TAPBPL: variants seen among roughly 807,000 people sequenced by gnomAD.
TAPBPL encodes the protein tapasin-related protein.
TAPBPL carries 32 observed loss-of-function variants against 44.8 expected under a neutral mutation model. That is an observed-to-expected ratio of 0.71 (90% CI 0.54 to 0.96). TAPBPL has a LOEUF of 0.96. Ranked by LOEUF, TAPBPL falls within the 40% of genes least tolerant of loss-of-function variation. The pLI, the probability that TAPBPL is intolerant of heterozygous loss-of-function variation, is 0.00. For synonymous variants in TAPBPL, 230 were observed against 240.7 expected (o/e 0.96, Z 0.41); for missense variants, 520 against 586.6 (o/e 0.89, Z 1.17).
intron 6 of TAPBPL, among the ~76,000 whole-genome samples, chr12:6,461,769 TCTC>T (rs1251570623): frequency 6.6e-6 from 1 of 152,142 alleles, no homozygotes; most frequent in Non-Finnish European, 1.5e-5. Context: ...AGGAGAGACT[TCTC>T]CTTTTTATTC....
intron 3 of TAPBPL, among the ~76,000 whole-genome samples, chr12:6,455,866 T>G (rs940661017): frequency 6.6e-6 from 1 of 151,844 alleles, no homozygotes; most frequent in Non-Finnish European, 1.5e-5. Context: ...GTTCAAGTGA[T>G]TCTTGTGCCT....
In TAPBPL at chr12:6,453,199, A is replaced by T; in HGVS notation, c.197A>T (p.Gln66Leu). ...GCAAGGGCCTCCCTTGTGCTGAAGC[A>T]GGTGCCAGTGCTGGACGATGGCTCC... Reference protein sequence around the residue: ...DRARASLVLKQVPVLDDGSLE... With the variant: ...DRARASLVLKLVPVLDDGSLE... The change falls in exon 2 of 7, where the codon CAG becomes CTG. Residue 66 changes from glutamine (Q) to leucine (L), a missense_variant. Physicochemically the swap from Gln to Leu is moderately radical, Grantham distance 113. Transcript: ENST00000266556. This position sits in a 1 kb window ranked among gnomAD's most constrained non-coding sequence, Gnocchi z 4.8. 6.2e-7 allele frequency: 1 copy of T among 1,613,254 alleles called. No individual in the cohort carries two copies. Among genetic ancestry groups the T allele is most frequent in the Admixed American group, 1.7e-5 (1 of 59,898 alleles).
chr12:6,462,932 G>A (rs898612318), downstream of TAPBPL: 3 of 1,558,990 alleles, frequency 1.9e-6, no homozygotes, highest in South Asian at 2.4e-5. Flanking sequence ...ATGGAAAGTG[G>A]GCATCCAGAC....
At chr12:6,451,949 G>A, upstream of TAPBPL, 1 of 476,530 alleles carries the variant, frequency 2.1e-6, no homozygotes, top group Non-Finnish European at 3.8e-6. Context: ...GAGCAAAAGG[G>A]TGCAGAGGTC....
downstream of TAPBPL, chr12:6,463,643 G>A (rs1403995074): frequency 5.5e-6 from 6 of 1,084,690 alleles, no homozygotes; most frequent in Admixed American, 3.0e-4. The surrounding 1 kb of genome is among the most constrained non-coding windows in gnomAD (Gnocchi z 4.0). Context: ...AATTAACTGG[G>A]AGCTAGGTTA....
downstream of TAPBPL, chr12:6,463,322 C>T (rs1949928969): frequency 8.4e-7 from 1 of 1,187,386 alleles, no homozygotes; most frequent in East Asian, 4.9e-5. This position sits in a 1 kb window ranked among gnomAD's most constrained non-coding sequence, Gnocchi z 4.0. Context: ...GGCACGCCTC[C>T]CCCCAAGGTG....
At chr12:6,465,450 ACAT>A (rs1949996672), downstream of TAPBPL, 6 of 139,744 alleles carry the variant, frequency 4.3e-5, no homozygotes, top group South Asian at 2.2e-4. Context: ...ATGTATATAT[ACAT>A]ATGTGTATAT....
intron 3 of TAPBPL, among the ~76,000 whole-genome samples, chr12:6,456,158 A>G (rs1489989147): frequency 6.6e-6 from 1 of 151,930 alleles, no homozygotes; most frequent in Admixed American, 6.6e-5. Context: ...TAAGTACACA[A>G]TTCAAACAAG....
At chr12:6,461,491 C>T in intron 6 of TAPBPL, 1 of 986,368 alleles carries the variant, frequency 1.0e-6, no homozygotes, top group Non-Finnish European at 1.2e-6. Flanking sequence ...CCCTCCCAAA[C>T]TCAGCTCTGT....
In TAPBPL at chr12:6,453,005, A is replaced by G; in HGVS notation, c.65-62A>G. ...GACTCCACAGCTTGAGGGCGGGGGC[A>G]GGAAGCAAGTGTGGAGTAGCTTTCT... is the stretch of plus-strand genomic sequence containing the variant. On this transcript the variant is annotated intron_variant, in intron 1 of 6. Coordinates refer to ENST00000266556, the MANE Select transcript of TAPBPL (RefSeq NM_018009.5). The surrounding 1 kb of genome is among the most constrained non-coding windows in gnomAD (Gnocchi z 4.8). 1 of 1,483,670 alleles carries G rather than the reference A, an allele frequency of 6.7e-7. No homozygotes were observed. Among genetic ancestry groups the G allele is most frequent in the Non-Finnish European group, 9.1e-7 (1 of 1,098,054 alleles). 91.9% of individuals were successfully genotyped at this position (1,483,670 alleles called of 1,614,324 possible).
At chr12:6,458,074 T>C (rs1275120588) in intron 4 of TAPBPL, among the ~76,000 whole-genome samples, 2 of 152,176 alleles carry the variant, frequency 1.3e-5, no homozygotes, top group East Asian at 1.9e-4. Flanking sequence ...CTGACCATTA[T>C]CACTGCTATC....
Position 6,457,472 on chromosome 12 carries a change from A to T in TAPBPL, c.632A>T (p.Asp211Val), listed in dbSNP as rs370569616. The T allele has an allele frequency of 4.3e-6, 7 of 1,614,024 alleles. No individual in the cohort carries two copies. Among genetic ancestry groups the T allele is most frequent in the African/African-American group, 1.3e-5 (1 of 74,910 alleles). Residue 211 changes from aspartate (D) to valine (V), a missense_variant, in exon 4 of 7, where the codon GAC becomes GTC. By Grantham distance (152) the Asp-to-Val change is radical (BLOSUM62 -3). Coordinates refer to ENST00000266556, the MANE Select transcript of TAPBPL (RefSeq NM_018009.5). ...CTGCTGGGGTCCTCAGCCTCCTTGG[A>T]CTGTGGCTTCTCCATGGCACCGGGC... ...SFLLGSSASL[D>V]CGFSMAPGLD...
downstream of TAPBPL, chr12:6,466,349 G>T: frequency 6.2e-7 from 1 of 1,612,888 alleles, no homozygotes; most frequent in South Asian, 1.1e-5. Flanking sequence ...AGCTGGAGCA[G>T]ACCTGTGGAA....
intron 4 of TAPBPL, among the ~76,000 whole-genome samples, 172 bp from the exon 5 acceptor site, chr12:6,458,473 C>A (rs989902333): frequency 6.6e-6 from 1 of 152,162 alleles, no homozygotes; most frequent in Non-Finnish European, 1.5e-5. Context: ...ACCCTGCCCC[C>A]TTACGGCCTG....
chr12:6,462,711 A>C, downstream of TAPBPL: 1 of 1,063,374 alleles, frequency 9.4e-7, no homozygotes, highest in Admixed American at 2.7e-5. Context: ...GGACACATCG[A>C]GGACAGTGGT....
upstream of TAPBPL, chr12:6,451,937 G>A (rs1949556079): frequency 2.3e-6 from 1 of 439,252 alleles, no homozygotes; most frequent in South Asian, 2.2e-5. Context: ...GGGACAGGTG[G>A]GGAGCAAAAG....
chr12:6,458,849 C>G lies in TAPBPL; in HGVS notation c.1109C>G (p.Thr370Ser), dbSNP rs771249876. 6.2e-7 allele frequency: 1 copy of G among 1,614,182 alleles called. No individual in the cohort carries two copies. Among genetic ancestry groups the G allele is most frequent in the East Asian group, 2.2e-5 (1 of 44,880 alleles). ...ACCTACAGCATCTCCTCCTCTCTCA[C>G]CGCAGAACCTGGCTCTGCAGGTGCC... Reference protein sequence around the residue: ...AGTYSISSSLTAEPGSAGATY... With the variant: ...AGTYSISSSLSAEPGSAGATY... Residue 370 changes from threonine to serine, a missense_variant, in exon 5 of 7, where the codon ACC becomes AGC. Physicochemically the swap from Thr to Ser is moderately conservative, Grantham distance 58 (BLOSUM62 1). Coordinates refer to ENST00000266556, the MANE Select transcript of TAPBPL (RefSeq NM_018009.5).
At chr12:6,460,247 G>A (rs767718506) in intron 5 of TAPBPL, among the ~76,000 whole-genome samples, 3 of 151,992 alleles carry the variant, frequency 2.0e-5, no homozygotes, top group Non-Finnish European at 2.9e-5. Flanking sequence ...TTAACTGGTG[G>A]TTTTTTGTTT....
intron 6 of TAPBPL, among the ~76,000 whole-genome samples, chr12:6,461,808 C>T (rs1200014799): frequency 2.0e-5 from 3 of 152,142 alleles, no homozygotes; most frequent in South Asian, 2.1e-4. Flanking sequence ...CTAATCAATA[C>T]GGTGGAACTC....
Sources: allele counts gnomAD v4.1 joint callset (sites outside exome capture counted in the v4.1 genomes callset), GRCh38; gene constraint gnomAD v4.1.1; non-coding constraint Gnocchi (gnomAD v3.1); transcripts MANE v1.5; gene names NCBI Gene and HGNC (gene_info 2026-07-23, HGNC 2026-07-21).